Variants in MARCHF1 observed in about 807,000 individuals in gnomAD.
MARCHF1 encodes E3 ubiquitin-protein ligase MARCHF1.
A neutral mutation model predicts 54.2 loss-of-function variants in MARCHF1; 40 were observed. The ratio of observed to expected loss-of-function variants is 0.74; its 90% confidence interval spans 0.57 to 0.96. The LOEUF (loss-of-function observed/expected upper bound fraction) is 0.96, where lower values mean the gene tolerates loss of function less well. Ranked by LOEUF, MARCHF1 falls within the 40% of genes least tolerant of loss-of-function variation. The pLI is 0.00. For missense variants in MARCHF1, 586 were observed against 656.5 expected (o/e 0.89, Z 1.17); for synonymous variants, 236 against 236.3 (o/e 1.00, Z 0.01).
intron 2 of MARCHF1, among the ~76,000 whole-genome samples, chr4:164,029,979 G>A (rs1473859938): frequency 1.3e-5 from 2 of 152,120 alleles, no homozygotes; most frequent in Non-Finnish European, 2.9e-5. Context: ...ATCATTCATA[G>A]ATAATTTGCA....
intron 2 of MARCHF1, among the ~76,000 whole-genome samples, chr4:164,106,966 G>C (rs528196837): frequency 1.3e-5 from 2 of 152,150 alleles, no homozygotes; most frequent in Non-Finnish European, 2.9e-5. Context: ...GAAGATCTTT[G>C]CTATAGTTTA....
intron 3 of MARCHF1, among the ~76,000 whole-genome samples, chr4:163,958,060 C>G (rs1344429646): frequency 6.6e-6 from 1 of 152,034 alleles, no homozygotes; most frequent in Non-Finnish European, 1.5e-5. Context: ...TTCTCAACTC[C>G]CTTTTATCCC....
At chr4:164,147,952 T>A (rs1300386379) in intron 1 of MARCHF1, among the ~76,000 whole-genome samples, 1 of 152,130 alleles carries the variant, frequency 6.6e-6, no homozygotes, top group African/African-American at 2.4e-5. Context: ...TATAGCAAAG[T>A]ATAATCTATA....
intron 5 of MARCHF1, among the ~76,000 whole-genome samples, chr4:163,681,366 A>G (rs1249545911): frequency 6.6e-6 from 1 of 152,240 alleles, no homozygotes; most frequent in Non-Finnish European, 1.5e-5. Context: ...CAGAGTTTTC[A>G]GAACTGGCAT....
chr4:164,227,611 T>G (rs1379598319), intron 1 of MARCHF1, among the ~76,000 whole-genome samples: 2 of 152,128 alleles, frequency 1.3e-5, no homozygotes, highest in Non-Finnish European at 2.9e-5. Context: ...TCAGTGATAT[T>G]TTATCAAAAA....
At chr4:163,634,567 C>A (rs1742241118) in intron 5 of MARCHF1, among the ~76,000 whole-genome samples, 1 of 151,854 alleles carries the variant, frequency 6.6e-6, no homozygotes, top group Admixed American at 6.6e-5. Flanking sequence ...TATATATGCA[C>A]CCAATATAGG....
At chr4:163,829,344 G>A (rs957610850) in intron 4 of MARCHF1, among the ~76,000 whole-genome samples, 1 of 152,098 alleles carries the variant, frequency 6.6e-6, no homozygotes, top group African/African-American at 2.4e-5. Flanking sequence ...GACACAGAAA[G>A]ACTAGAGGTA....
intron 1 of MARCHF1, among the ~76,000 whole-genome samples, chr4:164,338,980 AT>A (rs1414268568): frequency 2.0e-5 from 3 of 151,798 alleles, no homozygotes; most frequent in Non-Finnish European, 4.4e-5. Context: ...CTCAAAAAAA[AT>A]AAATAAATAA....
At chr4:164,168,690 A>ACAC (rs1560936733) in intron 1 of MARCHF1, among the ~76,000 whole-genome samples, 266 of 151,972 alleles carry the variant, frequency 1.8e-3, no homozygotes, top group African/African-American at 6.2e-3. Flanking sequence ...ACACACACAC[A>ACAC]AACACATAGA....
intron 1 of MARCHF1, among the ~76,000 whole-genome samples, chr4:164,161,270 C>T (rs755382531): frequency 1.2e-4 from 19 of 152,024 alleles, no homozygotes; most frequent in South Asian, 2.1e-4. Flanking sequence ...ATTGTGTGCT[C>T]CAGCCATGGG....
At chr4:164,220,234 A>G (rs1227982647) in intron 1 of MARCHF1, among the ~76,000 whole-genome samples, 1 of 149,452 alleles carries the variant, frequency 6.7e-6, no homozygotes, top group African/African-American at 2.4e-5. Context: ...ACACACATAC[A>G]TATATATACA....
rs377554482 is a variant in MARCHF1 at position 163,615,731 on chromosome 4, A to AAATTC, written c.163-2343_163-2339dup. Reference sequence around the variant, plus strand: ...TGAAGAAATAGAAAAAACAATCCCAAAATTCACATAGAACCACAAAAGAGC... The same window carrying AAATTC: ...TGAAGAAATAGAAAAAACAATCCCAAAATTCAATTCACATAGAACCACAAAAGAGC... On this transcript the variant is annotated intron_variant, in intron 5 of 9. Transcript: ENST00000514618. Among the ~76,000 whole-genome samples, 699 of 152,280 alleles carry AAATTC rather than the reference A, an allele frequency of 4.6e-3. 6 individuals are homozygous for AAATTC. Among genetic ancestry groups the AAATTC allele is most frequent in the African/African-American group, 0.016 (669 of 41,566 alleles).
At chr4:164,067,089 AAGAG>A (rs1754746802) in intron 2 of MARCHF1, among the ~76,000 whole-genome samples, 1 of 152,076 alleles carries the variant, frequency 6.6e-6, no homozygotes, top group Non-Finnish European at 1.5e-5. Flanking sequence ...TGCATCCCCT[AAGAG>A]GTTTTGGTAT....
intron 1 of MARCHF1, among the ~76,000 whole-genome samples, chr4:164,229,658 G>A (rs1262298736): frequency 1.3e-5 from 2 of 152,146 alleles, no homozygotes; most frequent in African/African-American, 4.8e-5. Flanking sequence ...TCTGCAGGTT[G>A]TATAGGAAGC....
At chr4:163,888,015 C>T (rs1750576587) in intron 3 of MARCHF1, among the ~76,000 whole-genome samples, 1 of 152,080 alleles carries the variant, frequency 6.6e-6, no homozygotes. Context: ...TTATTCTTGG[C>T]TGATGTTACA....
At chr4:164,226,336 G>A (rs543800320) in intron 1 of MARCHF1, among the ~76,000 whole-genome samples, 3 of 152,026 alleles carry the variant, frequency 2.0e-5, no homozygotes, top group Middle Eastern at 6.8e-3. Context: ...TATTATGGGG[G>A]GAAAATAAGC....
intron 2 of MARCHF1, among the ~76,000 whole-genome samples, chr4:164,069,588 T>C (rs1754816606): frequency 6.6e-6 from 1 of 151,938 alleles, no homozygotes; most frequent in African/African-American, 2.4e-5. Context: ...CCTGGGCCAG[T>C]GAGACCACGA....
intron 1 of MARCHF1, among the ~76,000 whole-genome samples, chr4:164,370,184 T>G (rs1184999817): frequency 6.6e-6 from 1 of 151,930 alleles, no homozygotes; most frequent in Non-Finnish European, 1.5e-5. Flanking sequence ...CTCAACAGAG[T>G]GTATGTCAGA....
chr4:163,591,969 A>G (rs1740606167), intron 7 of MARCHF1, among the ~76,000 whole-genome samples: 1 of 152,170 alleles, frequency 6.6e-6, no homozygotes, highest in Non-Finnish European at 1.5e-5. Context: ...TCAGACTAAC[A>G]GCTGTTTGCA....
Sources: gnomAD v4.1 joint callset for allele counts (sites outside exome capture counted in the v4.1 genomes callset) on GRCh38, gnomAD v4.1.1 for gene constraint, MANE v1.5 for transcripts, NCBI Gene and HGNC (gene_info 2026-07-23, HGNC 2026-07-21) for gene names.